The following MPPE1 variants were observed in gnomAD, a reference collection of about 807,000 sequenced individuals.
The protein encoded by MPPE1 is metallophosphoesterase 1, also known as metallo phosphoesterase.
In MPPE1, 28 loss-of-function variants were observed where a neutral mutation model predicts 43.8. That is an observed-to-expected ratio of 0.64 (90% CI 0.47 to 0.88). The LOEUF is 0.88. Ranked by LOEUF, MPPE1 falls within the 40% of genes least tolerant of loss-of-function variation. The pLI, the probability that MPPE1 is intolerant of heterozygous loss-of-function variation, is 0.00. For synonymous variants in MPPE1, 159 were observed against 188.5 expected (o/e 0.84, Z 1.28); for missense variants, 428 against 492.2 (o/e 0.87, Z 1.23).
rs891017503 is a variant in MPPE1 at position 11,882,660 on chromosome 18, T to C, written c.*1785A>G. 1 of 121,602 alleles carries C rather than the reference T, an allele frequency of 8.2e-6. No homozygotes were observed. 7.5% of individuals were successfully genotyped at this position (121,602 alleles called of 1,614,324 possible). On this transcript the variant is annotated 3_prime_UTR_variant, in exon 11 of 11. Transcript: ENST00000588072. Reference sequence around the variant, plus strand: ...GAGGTCGTGCCATCGCACTCCAGCCTGGACATCAAAGTGAGACTCAGGCCA... The same window carrying C: ...GAGGTCGTGCCATCGCACTCCAGCCCGGACATCAAAGTGAGACTCAGGCCA...
chr18:11,907,174 C>A (rs2039801800), intron 1 of MPPE1, among the ~76,000 whole-genome samples: 1 of 152,224 alleles, frequency 6.6e-6, no homozygotes, highest in South Asian at 2.1e-4. Flanking sequence ...GAGGCTTCAT[C>A]TGCATGATAA....
rs180972073 is a variant in MPPE1, at chr18:11,882,830, C to T, written c.*1615G>A. 1.3e-5 allele frequency: 2 copies of T among 152,284 alleles called. No homozygotes were observed. The highest frequency in any genetic ancestry group is 4.8e-5 in the African/African-American group (2 of 41,566). 9.4% of individuals were successfully genotyped at this position (152,284 alleles called of 1,614,324 possible). The stretch of plus-strand genomic sequence containing the variant: ...AAAGTCAAAAGATACGGCTCTTTCT[C>T]ACACTTGCAAGACTTACAAATACAG... On this transcript the variant is annotated 3_prime_UTR_variant, in exon 11 of 11. Coordinates refer to ENST00000588072, the MANE Select transcript of MPPE1 (RefSeq NM_023075.6).
At position 11,883,621 on chromosome 18, in the gene MPPE1, T is replaced by C. The variant is rs2036781555; in HGVS notation, c.*824A>G. On this transcript the variant is annotated 3_prime_UTR_variant, in exon 11 of 11. Coordinates refer to ENST00000588072, the MANE Select transcript of MPPE1 (RefSeq NM_023075.6). Reference sequence around the variant, plus strand: ...AGAGAAAATTACACTTATCTAAAAATCTGATTCCATTAATTGATCAAGTAT... The same window carrying C: ...AGAGAAAATTACACTTATCTAAAAACCTGATTCCATTAATTGATCAAGTAT... The C allele has an allele frequency of 6.5e-6, 1 of 153,498 alleles. No individual in the cohort carries two copies. Among genetic ancestry groups the C allele is most frequent in the South Asian group, 2.1e-4 (1 of 4,820 alleles). 9.5% of individuals were successfully genotyped at this position (153,498 alleles called of 1,614,324 possible). A position where few individuals can be genotyped will look rare whatever the true frequency, so the allele number is the denominator to read the frequency against.
intron 3 of MPPE1, 124 bp from the exon 4 acceptor site, chr18:11,893,700 T>C (rs2038259659): frequency 1.4e-6 from 1 of 728,354 alleles, no homozygotes; most frequent in Non-Finnish European, 2.3e-6. Context: ...AGCCCCACTC[T>C]TGCATTCCCA....
At chr18:11,888,227 G>C (rs965261365) in intron 6 of MPPE1, among the ~76,000 whole-genome samples, 1 of 152,206 alleles carries the variant, frequency 6.6e-6, no homozygotes, top group Non-Finnish European at 1.5e-5. Context: ...GGGTGGCACA[G>C]AGCTACAGAG....
intron 1 of MPPE1, among the ~76,000 whole-genome samples, chr18:11,907,066 G>A (rs2039792189): frequency 2.0e-5 from 3 of 152,046 alleles, no homozygotes; most frequent in Non-Finnish European, 4.4e-5. Flanking sequence ...GGCCATGATG[G>A]GAAGTGGGGG....
intron 4 of MPPE1, among the ~76,000 whole-genome samples, chr18:11,890,996 T>A (rs1449590269): frequency 1.3e-5 from 2 of 152,146 alleles, no homozygotes; most frequent in African/African-American, 2.4e-5. Flanking sequence ...TAGTTCTTAT[T>A]TTATAAAGCT....
intron 2 of MPPE1, among the ~76,000 whole-genome samples, chr18:11,903,078 G>A (rs985737001): frequency 3.3e-5 from 5 of 152,132 alleles, no homozygotes; most frequent in African/African-American, 1.2e-4. Flanking sequence ...AGGCATGAGC[G>A]GGGCAGGTGA....
chr18:11,894,886 C>T (rs368078105), intron 3 of MPPE1, among the ~76,000 whole-genome samples: 3 of 152,176 alleles, frequency 2.0e-5, no homozygotes, highest in African/African-American at 2.4e-5. Flanking sequence ...CCACCACACC[C>T]GGCCGGCCGG....
In MPPE1 at chr18:11,882,817, T is replaced by TA. The variant is rs2036737785; in HGVS notation, c.*1627dup. On this transcript the variant is annotated 3_prime_UTR_variant, in exon 11 of 11. Coordinates refer to ENST00000588072, the MANE Select transcript of MPPE1 (RefSeq NM_023075.6). ...TAATCTGAAGTATAAAGTCAAAAGATACGGCTCTTTCTCACACTTGCAAGA... is the reference window on the plus strand; with the variant it reads ...TAATCTGAAGTATAAAGTCAAAAGATAACGGCTCTTTCTCACACTTGCAAGA... 6.6e-6 allele frequency: 1 copy of TA among 152,006 alleles called. No individual in the cohort carries two copies. Among genetic ancestry groups the TA allele is most frequent in the African/African-American group, 2.4e-5 (1 of 41,376 alleles). 9.4% of individuals were successfully genotyped at this position (152,006 alleles called of 1,614,324 possible). A position where few individuals can be genotyped will look rare whatever the true frequency, so the allele number is the denominator to read the frequency against.
chr18:11,893,334 G>T (rs536517928), intron 4 of MPPE1, 134 bp downstream of exon 4: 9 of 600,646 alleles, frequency 1.5e-5, no homozygotes, highest in Admixed American at 3.0e-5. Flanking sequence ...AATAGCCTAC[G>T]CATTTTTAAT....
chr18:11,890,006 G>A (rs981460022), intron 4 of MPPE1, among the ~76,000 whole-genome samples: 1 of 150,028 alleles, frequency 6.7e-6, no homozygotes, highest in Non-Finnish European at 1.5e-5. Flanking sequence ...GCAGTGGCAC[G>A]ATCTCGGCTC....
rs1044022068 is a variant in MPPE1 at position 11,884,543 on chromosome 18, C to T, written c.1093G>A (p.Val365Met). 8 of 1,613,962 alleles carry T rather than the reference C, an allele frequency of 5.0e-6. No homozygotes were observed. Among genetic ancestry groups the T allele is most frequent in the Non-Finnish European group, 5.1e-6 (6 of 1,180,026 alleles). The change falls in exon 11 of 11, where the codon GTG (valine) becomes ATG (methionine). Residue 365 changes from valine to methionine, a missense_variant. Physicochemically the swap from Val to Met is conservative, Grantham distance 21. Transcript: ENST00000588072. ...AGTGTGAGGACCACAAGGAAGCCCA[C>T]CACTCCACAGTAGATGATCAAAACC... ...DVVLIIYCGVVGFLVVLTLTH... is the reference protein window; with the variant it reads ...DVVLIIYCGVMGFLVVLTLTH...
chr18:11,904,070 T>G (rs2039457570), intron 2 of MPPE1, among the ~76,000 whole-genome samples: 1 of 152,156 alleles, frequency 6.6e-6, no homozygotes, highest in South Asian at 2.1e-4. Flanking sequence ...CTTCTACCCC[T>G]AACATTCTTT....
chr18:11,889,419 A>G lies in MPPE1; in HGVS notation c.462T>C (p.Val154=), dbSNP rs2037710046. Residue 154 remains valine (V), a synonymous_variant, in exon 5 of 11, where the codon GTT becomes GTC. Transcript: ENST00000588072. ...RHPSHVQLKV[V]AGNHDIGFHY... is the part of the protein sequence containing the mutation. ...GGAAGCCAATGTCATGGTTTCCAGC[A>G]ACTACCTTCAGCTGTACATGACTTG... is the stretch of plus-strand genomic sequence containing the variant. 2 of 1,613,116 alleles carry G rather than the reference A, an allele frequency of 1.2e-6. No homozygotes were observed. The highest frequency in any genetic ancestry group is 1.7e-6 in the Non-Finnish European group (2 of 1,179,600).
chr18:11,882,945 G>A lies in MPPE1; in HGVS notation c.*1500C>T, dbSNP rs2036743815. On this transcript the variant is annotated 3_prime_UTR_variant, in exon 11 of 11. Transcript: ENST00000588072. ...ATATTCTAGCTGTAGCCACAGAGTT[G>A]AGGGTAGTTTTTGTAGGTCTAAAAT... 1 of 147,386 alleles carries A rather than the reference G, an allele frequency of 6.8e-6. No homozygotes were observed. The highest frequency in any genetic ancestry group is 1.5e-5 in the Non-Finnish European group (1 of 66,030). 9.1% of individuals were successfully genotyped at this position (147,386 alleles called of 1,614,324 possible).
chr18:11,893,658 C>A, intron 3 of MPPE1, 82 bp from the exon 4 acceptor site: 1 of 1,104,004 alleles, frequency 9.1e-7, no homozygotes, highest in South Asian at 1.3e-5. Context: ...ATTTAAACAG[C>A]AAACTAAATG....
intron 3 of MPPE1, among the ~76,000 whole-genome samples, chr18:11,896,011 G>A (rs1160321480): frequency 6.6e-6 from 1 of 151,690 alleles, no homozygotes; most frequent in Non-Finnish European, 1.5e-5. Flanking sequence ...GCCCCCCACC[G>A]GCCCTTCTTG....
In MPPE1 at chr18:11,901,326, G is replaced by A. The variant is rs547504698; in HGVS notation, c.-92-3970C>T. 1.5e-3 allele frequency among the ~76,000 whole-genome samples: 233 copies of A among 151,968 alleles called. 2 individuals carry two copies. Among genetic ancestry groups the A allele is most frequent in the Non-Finnish European group, 1.2e-3 (83 of 67,976 alleles). On this transcript the variant is annotated intron_variant, in intron 2 of 10. Coordinates refer to ENST00000588072, the MANE Select transcript of MPPE1 (RefSeq NM_023075.6). ...GCTCACTACAACCTCCACCTCCTGGGCTCAAGCAATCCTCCTACCTGAGCC... is the reference window on the plus strand; with the variant it reads ...GCTCACTACAACCTCCACCTCCTGGACTCAAGCAATCCTCCTACCTGAGCC...
Sources: allele counts gnomAD v4.1 joint callset (sites outside exome capture counted in the v4.1 genomes callset), GRCh38; gene constraint gnomAD v4.1.1; transcripts MANE v1.5; gene names NCBI Gene and HGNC (gene_info 2026-07-23, HGNC 2026-07-21).